The following CD200 variants were observed in gnomAD, a reference collection of about 807,000 sequenced individuals.
CD200 encodes the protein CD200 molecule, also known as OX-2 membrane glycoprotein.
Under a neutral mutation model 30.9 loss-of-function variants are expected in CD200, and 15 were observed. The ratio of observed to expected loss-of-function variants is 0.49; its 90% CI spans 0.32 to 0.75. CD200 has a LOEUF of 0.75. Ranked by LOEUF, CD200 falls within the 30% of genes least tolerant of loss-of-function variation. The pLI is 0.03. For missense variants in CD200, 262 were observed against 324.2 expected (o/e 0.81, Z 1.47); for synonymous variants, 134 against 126.2 (o/e 1.06, Z -0.41).
intron 1 of CD200, among the ~76,000 whole-genome samples, chr3:112,336,933 T>C (rs184312671): frequency 6.6e-6 from 1 of 152,124 alleles, no homozygotes; most frequent in Non-Finnish European, 1.5e-5. Flanking sequence ...CTCAGGAATT[T>C]AACTCAGTCT....
chr3:112,337,250 T>C lies in CD200; in HGVS notation c.13-3652T>C, dbSNP rs1576584418. Among the ~76,000 whole-genome samples, 6 of 152,306 alleles carry C rather than the reference T, an allele frequency of 3.9e-5. No individual in the cohort carries two copies. The South Asian group carries it at 1.2e-3, about 32-fold the overall frequency. ...ACTGGAGGAAGAGGCTTGAATCTTC[T>C]TGGAGCACTAAAAGTTCCAAAAGAC... On this transcript the variant is annotated intron_variant, in intron 1 of 5. Transcript: ENST00000315711.
In CD200 at chr3:112,347,780, A is replaced by T; in HGVS notation, c.644A>T (p.Gln215Leu). 6.2e-7 allele frequency: 1 copy of T among 1,613,890 alleles called. No individual in the cohort carries two copies. The highest frequency in any genetic ancestry group is 2.2e-5 in the East Asian group (1 of 44,872). ...KNQVGKEVIC[Q>L]VLHLGTVTDF... ...CAGGTGGGGAAGGAGGTGATCTGCC[A>T]GGTGCTGCACCTGGGGACTGTGACC... The change falls in exon 4 of 6, where the codon CAG (glutamine) becomes CTG (leucine). Residue 215 changes from glutamine to leucine, a missense_variant. Transcript: ENST00000315711.
chr3:112,344,291 A>G (rs2081333680), intron 2 of CD200, among the ~76,000 whole-genome samples: 1 of 152,218 alleles, frequency 6.6e-6, no homozygotes. Context: ...CCATCAAATA[A>G]TGTATGATGG....
Position 112,344,999 on chromosome 3 carries a change from C to T in CD200, c.132C>T (p.Tyr44=). Residue 44 remains tyrosine, a synonymous_variant, in exon 3 of 6, where the codon TAC becomes TAT. Transcript: ENST00000315711. ...VVTQDEREQL[Y]TPASLKCSLQ... is the part of the protein sequence containing the mutation. Reference sequence around the variant, plus strand: ...CCCAGGATGAAAGAGAGCAGCTGTACACACCTGCTTCCTTAAAATGCTCTC... The same window carrying T: ...CCCAGGATGAAAGAGAGCAGCTGTATACACCTGCTTCCTTAAAATGCTCTC... 1 of 1,613,754 alleles carries T rather than the reference C, an allele frequency of 6.2e-7. No individual in the cohort carries two copies. Among genetic ancestry groups the T allele is most frequent in the Non-Finnish European group, 8.5e-7 (1 of 1,179,706 alleles).
intron 3 of CD200, among the ~76,000 whole-genome samples, chr3:112,346,525 A>T (rs1227364120): frequency 6.6e-6 from 1 of 152,206 alleles, no homozygotes; most frequent in African/African-American, 2.4e-5. Context: ...TCTTTGATAC[A>T]TCATAGGACC....
chr3:112,359,375 G>A (rs529042103), intron 5 of CD200, among the ~76,000 whole-genome samples: 9 of 152,318 alleles, frequency 5.9e-5, no homozygotes, highest in African/African-American at 2.2e-4. Context: ...TATAAATTCT[G>A]TTATTGGTAA....
chr3:112,356,154 C>T (rs189746281), intron 5 of CD200, among the ~76,000 whole-genome samples: 3 of 152,216 alleles, frequency 2.0e-5, no homozygotes, highest in Admixed American at 1.3e-4. Flanking sequence ...GATGACTGAC[C>T]AATGCTGCTA....
At chr3:112,348,624 C>T (rs1303750835) in intron 4 of CD200, among the ~76,000 whole-genome samples, 2 of 152,136 alleles carry the variant, frequency 1.3e-5, no homozygotes, top group Non-Finnish European at 2.9e-5. Context: ...AGTAATAAGC[C>T]TCCTAAAAAG....
At chr3:112,349,916 A>G in intron 5 of CD200, 97 bp downstream of exon 5, 1 of 1,393,462 alleles carries the variant, frequency 7.2e-7, no homozygotes, top group Non-Finnish European at 9.4e-7. Context: ...AGGGAATGGC[A>G]ACAATGTGTT....
intron 4 of CD200, 140 bp downstream of exon 4, chr3:112,347,970 C>A: frequency 1.3e-6 from 1 of 757,436 alleles, no homozygotes; most frequent in Non-Finnish European, 2.1e-6. Flanking sequence ...AAAAACAAAA[C>A]AAAACAAAAA....
At chr3:112,342,310 C>CCTTCCTTCCTTCCT (rs2081259013) in intron 2 of CD200, among the ~76,000 whole-genome samples, 3 of 29,970 alleles carry the variant, frequency 1.0e-4, no homozygotes, top group South Asian at 8.6e-4. Flanking sequence ...TCCTTCCTTT[C>CCTTCCTTCCTTCCT]TTCTTTCTTT....
intron 2 of CD200, among the ~76,000 whole-genome samples, chr3:112,343,186 TAC>T (rs1169913007): frequency 6.6e-6 from 1 of 151,830 alleles, no homozygotes; most frequent in Admixed American, 6.6e-5. Flanking sequence ...TTTATATTTA[TAC>T]ACACACAGAG....
intron 5 of CD200, among the ~76,000 whole-genome samples, chr3:112,354,420 A>C (rs1318192708): frequency 6.6e-6 from 1 of 152,220 alleles, no homozygotes; most frequent in Non-Finnish European, 1.5e-5. Context: ...TTTAGTTTGC[A>C]TATATCCTTT....
chr3:112,358,026 G>C (rs13090060), intron 5 of CD200, among the ~76,000 whole-genome samples: 1 of 152,300 alleles, frequency 6.6e-6, no homozygotes, highest in East Asian at 1.9e-4. Flanking sequence ...AGGATGCAAG[G>C]CAGACACTGA....
intron 1 of CD200, among the ~76,000 whole-genome samples, chr3:112,335,308 C>G (rs1240778132): frequency 6.6e-6 from 1 of 152,148 alleles, no homozygotes; most frequent in Non-Finnish European, 1.5e-5. Context: ...GCTGAACCAT[C>G]TTGGGTTTCT....
intron 5 of CD200, among the ~76,000 whole-genome samples, chr3:112,358,297 T>C (rs879603294): frequency 2.0e-5 from 3 of 152,144 alleles, no homozygotes; most frequent in Non-Finnish European, 4.4e-5. Context: ...CAACATGTTG[T>C]GGAATGAAAG....
chr3:112,357,399 C>A lies in CD200; in HGVS notation c.803-4144C>A, dbSNP rs1372980766. On this transcript the variant is annotated intron_variant, in intron 5 of 5. Transcript: ENST00000315711. ...GCCAACTTCCGTGAAGTAAATGTTC[C>A]CACCATAGCAAATTTCAAGCTACTA... 2.0e-5 allele frequency among the ~76,000 whole-genome samples: 3 copies of A among 152,238 alleles called. No homozygotes were observed. The South Asian group carries it at 6.2e-4, about 32-fold the overall frequency.
chr3:112,342,310 C>CT (rs373433302), intron 2 of CD200, among the ~76,000 whole-genome samples: 5 of 29,940 alleles, frequency 1.7e-4, no homozygotes, highest in East Asian at 7.6e-4. Context: ...TCCTTCCTTT[C>CT]TTCTTTCTTT....
chr3:112,343,405 G>A (rs2081312821), intron 2 of CD200, among the ~76,000 whole-genome samples: 1 of 152,094 alleles, frequency 6.6e-6, no homozygotes, highest in East Asian at 1.9e-4. Flanking sequence ...CTGGCCTTAA[G>A]CAATCTTCCT....
Sources: gnomAD v4.1 joint callset for allele counts (sites outside exome capture counted in the v4.1 genomes callset) on GRCh38, gnomAD v4.1.1 for gene constraint, MANE v1.5 for transcripts, NCBI Gene and HGNC (gene_info 2026-07-23, HGNC 2026-07-21) for gene names.